LRRTM4: variants seen among roughly 807,000 people sequenced by gnomAD.
LRRTM4 encodes the protein leucine rich repeat transmembrane neuronal 4.
A neutral mutation model predicts 47.6 loss-of-function variants in LRRTM4; 25 were observed. The observed-to-expected ratio is 0.53, with a 90% CI of 0.38 to 0.73. The LOEUF (loss-of-function observed/expected upper bound fraction) is 0.73. Ranked by LOEUF, LRRTM4 falls within the 30% of genes least tolerant of loss-of-function variation. The pLI, the probability that LRRTM4 is intolerant of heterozygous loss-of-function variation, is 0.00. For synonymous variants in LRRTM4, 311 were observed against 269.5 expected, an observed-to-expected ratio of 1.15 and a Z score of -1.51; for missense variants, 638 against 713.4, an observed-to-expected ratio of 0.89 and a Z score of 1.20.
At chr2:77,468,627 G>T (rs1015716820) in intron 3 of LRRTM4, among the ~76,000 whole-genome samples, 2 of 152,120 alleles carry the variant, frequency 1.3e-5, no homozygotes, top group African/African-American at 4.8e-5. Flanking sequence ...CACAGGCCTT[G>T]GTGCAGAGTG....
intron 3 of LRRTM4, among the ~76,000 whole-genome samples, chr2:77,292,159 A>G (rs1179468176): frequency 1.3e-5 from 2 of 151,136 alleles, no homozygotes; most frequent in South Asian, 4.2e-4. Flanking sequence ...ACCATCTCAC[A>G]CCAGTTAGAA....
At chr2:77,302,016 A>G (rs552288944) in intron 3 of LRRTM4, among the ~76,000 whole-genome samples, 39 of 152,314 alleles carry the variant, frequency 2.6e-4, no homozygotes, top group South Asian at 6.2e-4. Flanking sequence ...TTTTAGACAT[A>G]GTTTCTTAGT....
At chr2:77,018,493 A>T (rs59619080) in intron 3 of LRRTM4, among the ~76,000 whole-genome samples, 1,741 of 152,198 alleles carry the variant, frequency 0.011, 34 homozygotes, top group African/African-American at 0.033. Flanking sequence ...GGATGGATTA[A>T]CGCATGATGG....
chr2:77,482,741 C>A (rs988019821), intron 3 of LRRTM4, among the ~76,000 whole-genome samples: 1 of 152,054 alleles, frequency 6.6e-6, no homozygotes, highest in Non-Finnish European at 1.5e-5. Context: ...TAATGTATTT[C>A]ATTTATTAGG....
intron 3 of LRRTM4, among the ~76,000 whole-genome samples, chr2:76,972,975 G>A (rs1201868764): frequency 6.6e-6 from 1 of 151,878 alleles, no homozygotes; most frequent in Non-Finnish European, 1.5e-5. Context: ...ATAGTATTGT[G>A]TAAATATTTT....
At chr2:76,903,243 G>A (rs1453822002) in intron 3 of LRRTM4, among the ~76,000 whole-genome samples, 1 of 151,898 alleles carries the variant, frequency 6.6e-6, no homozygotes, top group Non-Finnish European at 1.5e-5. Flanking sequence ...AGAAAAACAA[G>A]TACAAAACAT....
intron 3 of LRRTM4, among the ~76,000 whole-genome samples, chr2:77,072,010 G>A (rs1016655422): frequency 6.6e-6 from 1 of 152,052 alleles, no homozygotes; most frequent in African/African-American, 2.4e-5. Flanking sequence ...ATTGAATTAT[G>A]CAACTCCTCT....
At chr2:77,044,690 A>AAT (rs982050521) in intron 3 of LRRTM4, among the ~76,000 whole-genome samples, 7 of 151,596 alleles carry the variant, frequency 4.6e-5, no homozygotes, top group African/African-American at 1.2e-4. Flanking sequence ...CATATTACAA[A>AAT]ATATATATAT....
intron 3 of LRRTM4, among the ~76,000 whole-genome samples, chr2:76,794,715 C>T (rs957029959): frequency 5.3e-5 from 8 of 152,158 alleles, no homozygotes; most frequent in African/African-American, 1.9e-4. Flanking sequence ...ACATTTTTCA[C>T]TGGCTAATTC....
chr2:77,217,980 A>G (rs548759658), intron 3 of LRRTM4, among the ~76,000 whole-genome samples: 1 of 151,354 alleles, frequency 6.6e-6, no homozygotes, highest in African/African-American at 2.4e-5. Flanking sequence ...ACTGAGCTTT[A>G]TTTTTTTTTA....
intron 3 of LRRTM4, among the ~76,000 whole-genome samples, chr2:77,161,601 T>A (rs187939876): frequency 6.6e-6 from 1 of 152,176 alleles, no homozygotes. Flanking sequence ...CTGTGAGTTT[T>A]TTCAAATTGT....
intron 3 of LRRTM4, among the ~76,000 whole-genome samples, chr2:76,811,625 G>A (rs1451700294): frequency 6.6e-6 from 1 of 152,158 alleles, no homozygotes; most frequent in Non-Finnish European, 1.5e-5. Context: ...GTGTGTTTAT[G>A]TAAAATGCAA....
intron 3 of LRRTM4, among the ~76,000 whole-genome samples, chr2:76,786,849 C>A (rs1674700058): frequency 7.0e-6 from 1 of 142,388 alleles, no homozygotes; most frequent in Admixed American, 7.3e-5. Context: ...GCTTTCCTTG[C>A]TGTTTCTTTT....
At chr2:77,365,259 G>A (rs989920084) in intron 3 of LRRTM4, among the ~76,000 whole-genome samples, 9 of 151,926 alleles carry the variant, frequency 5.9e-5, no homozygotes, top group African/African-American at 2.2e-4. Context: ...AATGAACAAA[G>A]TTTCATCACC....
At chr2:77,487,030 T>C (rs74634573) in intron 3 of LRRTM4, among the ~76,000 whole-genome samples, 2,374 of 152,268 alleles carry the variant, frequency 0.016, 60 homozygotes, top group East Asian at 0.13. Flanking sequence ...TATCAATACC[T>C]AGCAAAAATT....
At chr2:76,968,346 A>ATATATATATATG (rs1553437914) in intron 3 of LRRTM4, among the ~76,000 whole-genome samples, 1 of 80,100 alleles carries the variant, frequency 1.2e-5, no homozygotes, top group East Asian at 4.9e-4. Context: ...GTGTGTATAT[A>ATATATATATATG]TATATATATA....
chr2:77,093,951 T>G (rs930743283), intron 3 of LRRTM4, among the ~76,000 whole-genome samples: 4 of 150,496 alleles, frequency 2.7e-5, no homozygotes, highest in African/African-American at 1.0e-4. Context: ...AAACCCGCTT[T>G]GACTGCAATT....
At chr2:77,386,718 G>A (rs765013128) in intron 3 of LRRTM4, among the ~76,000 whole-genome samples, 8 of 151,960 alleles carry the variant, frequency 5.3e-5, no homozygotes, top group East Asian at 1.9e-4. Flanking sequence ...GTTCTCACTC[G>A]TAAGTGGGAG....
chr2:76,812,758 T>TCCCTCGC (rs1670777594), intron 3 of LRRTM4, among the ~76,000 whole-genome samples: 1 of 81,378 alleles, frequency 1.2e-5, no homozygotes, highest in Non-Finnish European at 2.3e-5. Flanking sequence ...TCCCTCCTTC[T>TCCCTCGC]CCTCCTCCTC....
Sources: gnomAD v4.1 joint callset for allele counts (sites outside exome capture counted in the v4.1 genomes callset) on GRCh38, gnomAD v4.1.1 for gene constraint, MANE v1.5 for transcripts, NCBI Gene and HGNC (gene_info 2026-07-23, HGNC 2026-07-21) for gene names.